The following CDON variants were observed in gnomAD, a reference collection of about 807,000 sequenced individuals.
CDON encodes the protein cell adhesion associated, oncogene regulated.
CDON carries 73 observed loss-of-function variants against 120.9 expected under a neutral mutation model. The ratio of observed to expected loss-of-function variants is 0.60; its 90% CI spans 0.50 to 0.73. CDON has a LOEUF of 0.73. CDON is among the 30% of genes least tolerant of loss of function. The pLI, the probability that CDON is intolerant of heterozygous loss-of-function variation, is 0.00. For synonymous variants in CDON, 566 were observed against 573.5 expected, an observed-to-expected ratio of 0.99 and a Z score of 0.19; for missense variants, 1,470 against 1,587.3, an observed-to-expected ratio of 0.93 and a Z score of 1.26.
Position 125,960,943 on chromosome 11 carries a change from C to T in CDON, c.3794G>A (p.Ter1265=), listed in dbSNP as rs1171490507. The T allele has an allele frequency of 6.2e-7, 1 of 1,614,044 alleles. No individual in the cohort carries two copies. Among genetic ancestry groups the T allele is most frequent in the Admixed American group, 1.7e-5 (1 of 60,026 alleles). ...ACATGACTGGTTGTTTGCATGTCCT[C>T]AGGTTTCCCGGGGCTGCTGAAGGAC... is the stretch of plus-strand genomic sequence containing the variant. ...TEVLQQPRET[*] The change falls in exon 20 of 20, where the codon TGA becomes TAA. Residue 1265 remains the stop codon, a stop_retained_variant. Transcript: ENST00000531738.
intron 9 of CDON, chr11:126,005,316 AAACAAACAAACAAAC>A (rs1341849928): frequency 0.083 from 2,568 of 31,072 alleles, 59 homozygotes; most frequent in African/African-American, 0.2. Flanking sequence ...AAAAAAAAAA[AAACAAACAAACAAAC>A]AAAAAAAAAC....
chr11:125,958,565 A>ATATATATATATGTGTG lies in CDON; in HGVS notation c.*2376_*2377insCACACATATATATATA, dbSNP rs371911236. Reference sequence around the variant, plus strand: ...AAGGCAATTATATATATATATATATATGTGTGTGTGTGTGTGTGTGTGTGT... The same window carrying ATATATATATATGTGTG: ...AAGGCAATTATATATATATATATATATATATATATATGTGTGTGTGTGTGTGTGTGTGTGTGTGTGT... On this transcript the variant is annotated 3_prime_UTR_variant, in exon 20 of 20. Transcript: ENST00000531738. The ATATATATATATGTGTG allele has an allele frequency of 5.4e-5, 7 of 130,084 alleles. No individual in the cohort carries two copies. Among genetic ancestry groups the ATATATATATATGTGTG allele is most frequent in the East Asian group, 2.4e-4 (1 of 4,194 alleles). The allele number at this position is 130,084 out of a possible 1,614,324, so 8.1% of individuals were successfully genotyped here.
At chr11:126,035,830 A>G (rs1319974654) in intron 1 of CDON, among the ~76,000 whole-genome samples, 2 of 152,210 alleles carry the variant, frequency 1.3e-5, no homozygotes, top group Admixed American at 6.5e-5. Context: ...CTTTGTAAAC[A>G]TAACACAACA....
At chr11:126,033,823 A>C (rs508173) in intron 1 of CDON, among the ~76,000 whole-genome samples, 21,556 of 152,170 alleles carry the variant, frequency 0.14, 1,953 homozygotes, top group Middle Eastern at 0.29. Flanking sequence ...CAAACATACT[A>C]TCTAATAGCA....
At chr11:125,963,767 A>G (rs777316077) in intron 18 of CDON, among the ~76,000 whole-genome samples, 31 of 152,234 alleles carry the variant, frequency 2.0e-4, no homozygotes, top group Non-Finnish European at 3.2e-4. Context: ...TGAGTATGGT[A>G]TTTTCTAATA....
chr11:126,015,603 C>T (rs1159395745), intron 6 of CDON, 93 bp from the exon 7 acceptor site: 5 of 1,302,054 alleles, frequency 3.8e-6, no homozygotes, highest in Non-Finnish European at 5.4e-6. Flanking sequence ...CTACCAATAA[C>T]CAGTTGAAAC....
rs190132798 is a variant in CDON, at chr11:125,990,819, G to C, written c.2651-1060C>G. 3.4e-3 allele frequency among the ~76,000 whole-genome samples: 511 copies of C among 152,202 alleles called. 6 individuals carry two copies. Among genetic ancestry groups the C allele is most frequent in the African/African-American group, 8.0e-3 (332 of 41,502 alleles). ...CAGTACAAAACCCTTCACTTGTACA[G>C]ACCCGCGTTTTTTAAGGAAGAAAAT... is the stretch of plus-strand genomic sequence containing the variant. On this transcript the variant is annotated intron_variant, in intron 14 of 19. Coordinates refer to ENST00000531738, the MANE Select transcript of CDON (RefSeq NM_001378964.1).
At chr11:125,970,611 C>T (rs1217643049) in intron 18 of CDON, among the ~76,000 whole-genome samples, 6 of 152,180 alleles carry the variant, frequency 3.9e-5, no homozygotes, top group South Asian at 2.1e-4. Context: ...GGGCCATGGC[C>T]GTCTTCCCTT....
intron 9 of CDON, 96 bp from the exon 10 acceptor site, chr11:126,004,172 C>G: frequency 7.9e-7 from 1 of 1,266,932 alleles, no homozygotes; most frequent in South Asian, 1.3e-5. Flanking sequence ...TCATTTAATT[C>G]TAGAAGAGTT....
At chr11:126,048,452 C>T (rs1037128497) in intron 1 of CDON, among the ~76,000 whole-genome samples, 4 of 152,082 alleles carry the variant, frequency 2.6e-5, no homozygotes, top group Non-Finnish European at 5.9e-5. Flanking sequence ...TCAGCAGCAA[C>T]GTTCAACACC....
chr11:126,053,482 G>A (rs764357560), intron 1 of CDON, among the ~76,000 whole-genome samples: 2 of 152,248 alleles, frequency 1.3e-5, no homozygotes, highest in Middle Eastern at 3.4e-3. Flanking sequence ...TGGGAAGGAG[G>A]AAACACTAAA....
rs373538923 is a variant in CDON, at chr11:125,956,951, G to A, written c.*3991C>T. The A allele has an allele frequency of 4.0e-5, 30 of 749,640 alleles. No individual in the cohort carries two copies. In the East Asian group the frequency reaches 2.1e-3, roughly 52 times the overall value. 46.4% of individuals were successfully genotyped at this position (749,640 alleles called of 1,614,324 possible). ...AATAAAATACAAAAGGGCCACACCC[G>A]ATGCAAAAGACTTTGCTGGCTTTCT... On this transcript the variant is annotated 3_prime_UTR_variant, in exon 20 of 20. Coordinates refer to ENST00000531738, the MANE Select transcript of CDON (RefSeq NM_001378964.1).
At chr11:126,042,136 G>A (rs1053191204) in intron 1 of CDON, among the ~76,000 whole-genome samples, 3 of 152,098 alleles carry the variant, frequency 2.0e-5, no homozygotes, top group Admixed American at 6.5e-5. Context: ...TGCCTGCCTC[G>A]GCCTCCCAAA....
chr11:126,021,604 C>A, intron 2 of CDON, 84 bp from the exon 3 acceptor site: 1 of 1,213,226 alleles, frequency 8.2e-7, no homozygotes. Context: ...CACATTTCAT[C>A]TGTATCTTTA....
intron 2 of CDON, among the ~76,000 whole-genome samples, chr11:126,022,101 C>CAA (rs56788784): frequency 3.9e-4 from 22 of 56,522 alleles, no homozygotes; most frequent in East Asian, 1.1e-3. Flanking sequence ...GACCCTGCTT[C>CAA]AAAAAAAAAA....
chr11:126,003,927 G>A lies in CDON; in HGVS notation c.2001C>T (p.Ala667=), dbSNP rs1947035478. 1 of 1,614,122 alleles carries A rather than the reference G, an allele frequency of 6.2e-7. No homozygotes were observed. The highest frequency in any genetic ancestry group is 8.5e-7 in the Non-Finnish European group (1 of 1,179,994). Residue 667 remains alanine (A), a synonymous_variant, in exon 10 of 20, where the codon GCC becomes GCT. Coordinates refer to ENST00000531738, the MANE Select transcript of CDON (RefSeq NM_001378964.1). ...CTTTGCTGGTTCGGAAGGTAAGCAT[G>A]GCAGGTTGGCCTTCACCTGCTGCGC... is the stretch of plus-strand genomic sequence containing the variant. The part of the protein sequence containing the change: ...ARSAAGEGQP[A]MLTFRTSKEK...
At chr11:125,971,138 C>G (rs1945971598) in intron 18 of CDON, among the ~76,000 whole-genome samples, 1 of 152,140 alleles carries the variant, frequency 6.6e-6, no homozygotes, top group Admixed American at 6.5e-5. Flanking sequence ...AATCCCAGTA[C>G]TTTGGGGGGC....
At chr11:126,057,076 C>T (rs1948697837) in intron 1 of CDON, among the ~76,000 whole-genome samples, 2 of 152,088 alleles carry the variant, frequency 1.3e-5, no homozygotes, top group Non-Finnish European at 2.9e-5. Flanking sequence ...AAAATGAATA[C>T]AGTTTTCAAA....
At chr11:125,996,786 G>A (rs543869295) in intron 12 of CDON, among the ~76,000 whole-genome samples, 2 of 150,442 alleles carry the variant, frequency 1.3e-5, no homozygotes, top group Non-Finnish European at 3.0e-5. Context: ...AATTTTAGGT[G>A]ACTTATTCTC....
Sources: gnomAD v4.1 joint callset for allele counts (sites outside exome capture counted in the v4.1 genomes callset) on GRCh38, gnomAD v4.1.1 for gene constraint, MANE v1.5 for transcripts, NCBI Gene and HGNC (gene_info 2026-07-23, HGNC 2026-07-21) for gene names.